Variants in CCDC85A observed in about 807,000 individuals in gnomAD.
CCDC85A encodes coiled-coil domain-containing protein 85A.
A neutral mutation model predicts 50.2 loss-of-function variants in CCDC85A; 38 were observed. The observed-to-expected ratio is 0.76, with a 90% CI of 0.58 to 0.99. CCDC85A has a LOEUF of 0.99. Among genes scored for constraint, CCDC85A ranks in the 50% least tolerant of loss-of-function variants. The pLI is 0.00. For synonymous variants in CCDC85A, 366 were observed against 301.4 expected, an observed-to-expected ratio of 1.21 and a Z score of -2.22; for missense variants, 820 against 742.0, an observed-to-expected ratio of 1.11 and a Z score of -1.22.
intron 2 of CCDC85A, among the ~76,000 whole-genome samples, chr2:56,249,407 A>G (rs1370145081): frequency 1.3e-5 from 2 of 152,204 alleles, no homozygotes; most frequent in African/African-American, 4.8e-5. Flanking sequence ...AGCTGGTTTG[A>G]TGCAGCCTCC....
intron 2 of CCDC85A, among the ~76,000 whole-genome samples, chr2:56,258,756 G>A (rs1177874180): frequency 6.6e-6 from 1 of 152,152 alleles, no homozygotes; most frequent in Non-Finnish European, 1.5e-5. Context: ...GTCTGGGTTT[G>A]GCTTGATGAG....
intron 2 of CCDC85A, among the ~76,000 whole-genome samples, chr2:56,255,543 G>A (rs1669946216): frequency 6.6e-6 from 1 of 152,116 alleles, no homozygotes; most frequent in African/African-American, 2.4e-5. Context: ...GAGGAGCAAA[G>A]GATAGTGATT....
intron 2 of CCDC85A, among the ~76,000 whole-genome samples, chr2:56,292,484 C>G (rs770762632): frequency 6.6e-6 from 1 of 152,170 alleles, no homozygotes; most frequent in Admixed American, 6.5e-5. Flanking sequence ...GACCTATAGA[C>G]CCCTCTGCCT....
At chr2:56,300,438 A>G (rs1312660622) in intron 2 of CCDC85A, among the ~76,000 whole-genome samples, 1 of 152,172 alleles carries the variant, frequency 6.6e-6, no homozygotes, top group Non-Finnish European at 1.5e-5. Context: ...TGGTGAGTTG[A>G]CAATCCTCTC....
At chr2:56,214,331 A>G (rs1021433744) in intron 2 of CCDC85A, among the ~76,000 whole-genome samples, 1 of 151,940 alleles carries the variant, frequency 6.6e-6, no homozygotes, top group African/African-American at 2.4e-5. Context: ...TAAAGCATTT[A>G]GATTGATACC....
At chr2:56,284,448 C>T (rs535042757) in intron 2 of CCDC85A, among the ~76,000 whole-genome samples, 3 of 152,328 alleles carry the variant, frequency 2.0e-5, no homozygotes, top group East Asian at 1.9e-4. Context: ...TCTAGGCTCA[C>T]TGCAACCTCA....
chr2:56,314,470 G>C (rs1278370574), intron 2 of CCDC85A, among the ~76,000 whole-genome samples: 1 of 151,978 alleles, frequency 6.6e-6, no homozygotes, highest in Non-Finnish European at 1.5e-5. Context: ...TTTCCAAAAA[G>C]CATTTTGTGT....
intron 2 of CCDC85A, among the ~76,000 whole-genome samples, chr2:56,207,362 A>G (rs1477518820): frequency 6.6e-6 from 1 of 152,134 alleles, no homozygotes; most frequent in Non-Finnish European, 1.5e-5. Context: ...CATACTCTAC[A>G]TTTGACTGGT....
At chr2:56,291,044 G>A (rs1671680318) in intron 2 of CCDC85A, among the ~76,000 whole-genome samples, 1 of 152,196 alleles carries the variant, frequency 6.6e-6, no homozygotes, top group South Asian at 2.1e-4. Flanking sequence ...AAGAACTTAT[G>A]TTGCGGGTTA....
chr2:56,350,172 A>AT (rs35540839), intron 3 of CCDC85A, among the ~76,000 whole-genome samples: 169 of 135,906 alleles, frequency 1.2e-3, no homozygotes, highest in East Asian at 4.5e-3. Context: ...TTCTTCTCTT[A>AT]TTTTTTTTTT....
intron 2 of CCDC85A, among the ~76,000 whole-genome samples, chr2:56,199,309 A>T (rs980961790): frequency 3.9e-5 from 6 of 152,214 alleles, no homozygotes; most frequent in African/African-American, 1.4e-4. Context: ...ATGATAGATT[A>T]TTCTGGAGGC....
At chr2:56,330,687 A>G (rs1453731580) in intron 2 of CCDC85A, among the ~76,000 whole-genome samples, 1 of 152,206 alleles carries the variant, frequency 6.6e-6, no homozygotes, top group Non-Finnish European at 1.5e-5. Context: ...ACAAGTAAAT[A>G]GGTGAATAAC....
intron 2 of CCDC85A, among the ~76,000 whole-genome samples, chr2:56,246,302 T>C (rs1291907538): frequency 6.6e-6 from 1 of 152,242 alleles, no homozygotes; most frequent in Non-Finnish European, 1.5e-5. Context: ...AAATATGACT[T>C]GCAAGTACAT....
At chr2:56,201,076 CCA>C (rs72152096) in intron 2 of CCDC85A, among the ~76,000 whole-genome samples, 5,814 of 147,044 alleles carry the variant, frequency 0.04, 151 homozygotes, top group East Asian at 0.069. Flanking sequence ...TCATCTCTCT[CCA>C]CACACACACA....
intron 2 of CCDC85A, among the ~76,000 whole-genome samples, chr2:56,325,741 G>T (rs1673434621): frequency 6.6e-6 from 1 of 152,108 alleles, no homozygotes; most frequent in Non-Finnish European, 1.5e-5. Context: ...GAGTTGGGTT[G>T]TAAGAAGCTT....
At chr2:56,355,039 G>A (rs1159005761) in intron 3 of CCDC85A, among the ~76,000 whole-genome samples, 1 of 152,134 alleles carries the variant, frequency 6.6e-6, no homozygotes, top group East Asian at 1.9e-4. Flanking sequence ...TCCCCCATCA[G>A]GTATACAAGC....
chr2:56,187,167 T>A (rs1308280293), intron 1 of CCDC85A, among the ~76,000 whole-genome samples: 1 of 152,200 alleles, frequency 6.6e-6, no homozygotes, highest in East Asian at 1.9e-4. Context: ...ATATTTATTT[T>A]GGCTTAACTG....
intron 2 of CCDC85A, among the ~76,000 whole-genome samples, chr2:56,329,086 C>G (rs1381935313): frequency 6.6e-6 from 1 of 152,146 alleles, no homozygotes; most frequent in Non-Finnish European, 1.5e-5. Context: ...ACAACTGCAT[C>G]CTCCCTGTCT....
intron 3 of CCDC85A, among the ~76,000 whole-genome samples, chr2:56,352,895 G>T (rs1484407129): frequency 4.6e-5 from 7 of 152,130 alleles, no homozygotes; most frequent in Non-Finnish European, 1.0e-4. Context: ...TATATAGCTT[G>T]TCTATAAAAG....
Sources: allele counts gnomAD v4.1 joint callset (sites outside exome capture counted in the v4.1 genomes callset), GRCh38; gene constraint gnomAD v4.1.1; transcripts MANE v1.5; gene names NCBI Gene and HGNC (gene_info 2026-07-23, HGNC 2026-07-21).